DYNC1I1: variants seen among roughly 807,000 people sequenced by gnomAD.
DYNC1I1 encodes dynein cytoplasmic 1 intermediate chain 1.
Under a neutral mutation model 86.6 loss-of-function variants are expected in DYNC1I1, and 43 were observed. The ratio of observed to expected loss-of-function variants is 0.50; its 90% CI spans 0.39 to 0.64. The LOEUF is 0.64. Among genes scored for constraint, DYNC1I1 ranks in the 30% least tolerant of loss-of-function variants. The pLI, the probability that DYNC1I1 is intolerant of heterozygous loss-of-function variation, is 0.00. For synonymous variants in DYNC1I1, 262 were observed against 283.7 expected, an observed-to-expected ratio of 0.92 and a Z score of 0.77; for missense variants, 604 against 788.8, an observed-to-expected ratio of 0.77 and a Z score of 2.81.
chr7:95,816,222 A>G (rs1794943495), intron 4 of DYNC1I1, among the ~76,000 whole-genome samples: 1 of 152,078 alleles, frequency 6.6e-6, no homozygotes, highest in East Asian at 1.9e-4. Context: ...GAGTCTCACT[A>G]TGTTGTCCAG....
chr7:96,078,823 A>G (rs184045733), intron 15 of DYNC1I1, among the ~76,000 whole-genome samples: 1 of 152,272 alleles, frequency 6.6e-6, no homozygotes, highest in East Asian at 1.9e-4. Context: ...AAGAGTCTAT[A>G]GTTGAATCAC....
intron 4 of DYNC1I1, among the ~76,000 whole-genome samples, chr7:95,827,700 G>A (rs1795231366): frequency 1.3e-5 from 2 of 152,084 alleles, no homozygotes; most frequent in East Asian, 1.9e-4. Flanking sequence ...CCCAGATGTG[G>A]GTGGGCTCTG....
intron 1 of DYNC1I1, among the ~76,000 whole-genome samples, chr7:95,782,507 G>A (rs7793641): frequency 0.43 from 65,446 of 152,128 alleles, 15,426 homozygotes; most frequent in Middle Eastern, 0.69. Flanking sequence ...TGTATGGGAT[G>A]GGGAGCATGC....
intron 6 of DYNC1I1, among the ~76,000 whole-genome samples, chr7:95,871,822 C>T (rs534849885): frequency 7.9e-5 from 12 of 152,198 alleles, no homozygotes; most frequent in Non-Finnish European, 1.8e-4. Flanking sequence ...ATTTATTTCT[C>T]AGCTATTGGC....
At chr7:96,061,070 G>C (rs1457758945) in intron 14 of DYNC1I1, among the ~76,000 whole-genome samples, 1 of 152,218 alleles carries the variant, frequency 6.6e-6, no homozygotes, top group African/African-American at 2.4e-5. Context: ...CGAGGAGAGA[G>C]AATAGTACAT....
At chr7:95,820,693 C>T (rs1359266043) in intron 4 of DYNC1I1, among the ~76,000 whole-genome samples, 1 of 152,228 alleles carries the variant, frequency 6.6e-6, no homozygotes, top group Non-Finnish European at 1.5e-5. Flanking sequence ...GAGAAGATGG[C>T]TGGACCGCTT....
chr7:95,937,142 T>A (rs894890856), intron 6 of DYNC1I1, among the ~76,000 whole-genome samples: 2 of 152,022 alleles, frequency 1.3e-5, no homozygotes, highest in African/African-American at 4.8e-5. Context: ...CTAGAAGCAA[T>A]GTCAATTACC....
intron 14 of DYNC1I1, among the ~76,000 whole-genome samples, chr7:96,052,375 T>A (rs976442069): frequency 6.6e-6 from 1 of 152,050 alleles, no homozygotes; most frequent in African/African-American, 2.4e-5. Context: ...GAAAGGGCAT[T>A]CAAGCAGAAT....
At chr7:95,794,889 G>A (rs1346597067) in intron 1 of DYNC1I1, among the ~76,000 whole-genome samples, 1 of 152,134 alleles carries the variant, frequency 6.6e-6, no homozygotes, top group African/African-American at 2.4e-5. Context: ...AAATTGAGAG[G>A]AACCTAGAAA....
At chr7:95,926,713 T>G (rs1791756085) in intron 6 of DYNC1I1, among the ~76,000 whole-genome samples, 1 of 152,144 alleles carries the variant, frequency 6.6e-6, no homozygotes, top group Non-Finnish European at 1.5e-5. Flanking sequence ...AAGACACAAG[T>G]GAGGGATGTG....
At chr7:96,100,616 T>A (rs1247539183), downstream of DYNC1I1, among the ~76,000 whole-genome samples, 2 of 150,688 alleles carry the variant, frequency 1.3e-5, no homozygotes, top group African/African-American at 4.9e-5. Flanking sequence ...AGAATGTTGA[T>A]TAGATAAGGA....
At chr7:96,099,839 T>C (rs1264702548), downstream of DYNC1I1, among the ~76,000 whole-genome samples, 1 of 152,138 alleles carries the variant, frequency 6.6e-6, no homozygotes, top group Non-Finnish European at 1.5e-5. Flanking sequence ...TAAGAAGACA[T>C]ATATCCTCCA....
At chr7:95,918,295 C>T (rs1444980925) in intron 6 of DYNC1I1, among the ~76,000 whole-genome samples, 1 of 152,182 alleles carries the variant, frequency 6.6e-6, no homozygotes, top group Admixed American at 6.5e-5. Context: ...CCCTGCCTCT[C>T]GGTCTAAGTG....
chr7:95,990,166 T>A (rs903530775), intron 9 of DYNC1I1, among the ~76,000 whole-genome samples: 3 of 152,172 alleles, frequency 2.0e-5, no homozygotes, highest in African/African-American at 7.2e-5. Flanking sequence ...TTGGAAGAAA[T>A]CTGGGAAGCT....
At position 95,772,712 on chromosome 7, in the gene DYNC1I1, C is replaced by G. The variant is rs1356836619; in HGVS notation, c.-71C>G. 2 of 152,680 alleles carry G rather than the reference C, an allele frequency of 1.3e-5. No homozygotes were observed. Among genetic ancestry groups the G allele is most frequent in the East Asian group, 3.9e-4 (2 of 5,162 alleles). The allele number at this position is 152,680 out of a possible 1,614,324, so 9.5% of individuals were successfully genotyped here. On this transcript the variant is annotated 5_prime_UTR_variant, in exon 1 of 17. Coordinates refer to ENST00000447467, the MANE Select transcript of DYNC1I1 (RefSeq NM_001135556.2). ...CGGGAGCCGCCTGCACCAACGCTGC[C>G]GCCGCCCAGGAGCCGCCGCCGGCTC...
intron 1 of DYNC1I1, among the ~76,000 whole-genome samples, chr7:95,781,983 C>A (rs1794005692): frequency 6.6e-6 from 1 of 152,098 alleles, no homozygotes; most frequent in Non-Finnish European, 1.5e-5. Flanking sequence ...CTCAGTGGAC[C>A]AACACAACAA....
chr7:96,100,380 T>C (rs546018379), downstream of DYNC1I1, among the ~76,000 whole-genome samples: 1 of 150,912 alleles, frequency 6.6e-6, no homozygotes, highest in Non-Finnish European at 1.5e-5. Context: ...TCCTTCCTTC[T>C]TTCCTTCCTT....
At chr7:96,033,413 T>C (rs896456898) in intron 12 of DYNC1I1, among the ~76,000 whole-genome samples, 1 of 152,158 alleles carries the variant, frequency 6.6e-6, no homozygotes, top group East Asian at 1.9e-4. Context: ...GACAACTAAA[T>C]GCAACTTGCA....
rs1178550637 is a variant in DYNC1I1, at chr7:96,107,869, GTTTT to G, written c.1543-2092_1543-2089del. ...CGGTTTTATCAGTTTTCATTGACAG[GTTTT>G]TTTTTTTTTTTTTTTTTGGAGTACT... On this transcript the variant is annotated intron_variant, in intron 16 of 16. Transcript: ENST00000537881. 6.3e-3 allele frequency among the ~76,000 whole-genome samples: 746 copies of G among 119,064 alleles called. 4 individuals are homozygous for G. The highest frequency in any genetic ancestry group is 0.021 in the African/African-American group (675 of 31,768). 78.1% of individuals were successfully genotyped at this position (119,064 alleles called of 152,430 possible).
Sources: allele counts gnomAD v4.1 joint callset (sites outside exome capture counted in the v4.1 genomes callset), GRCh38; gene constraint gnomAD v4.1.1; transcripts MANE v1.5; gene names NCBI Gene and HGNC (gene_info 2026-07-23, HGNC 2026-07-21).